The following DHX40 variants were observed in gnomAD, a reference collection of about 807,000 sequenced individuals.
DHX40 encodes the protein probable ATP-dependent RNA helicase DHX40.
A neutral mutation model predicts 89.6 loss-of-function variants in DHX40; 28 were observed. The observed-to-expected ratio is 0.31, with a 90% confidence interval of 0.23 to 0.43. The LOEUF (loss-of-function observed/expected upper bound fraction) is 0.43, where lower values mean the gene tolerates loss of function less well. Ranked by LOEUF, DHX40 falls within the 20% of genes least tolerant of loss-of-function variation. The pLI is 1.00. For synonymous variants in DHX40, 226 were observed against 283.6 expected, an observed-to-expected ratio of 0.80 and a Z score of 2.04; for missense variants, 457 against 844.0, an observed-to-expected ratio of 0.54 and a Z score of 5.68.
intron 14 of DHX40, among the ~76,000 whole-genome samples, chr17:59,600,689 TTAAAA>T (rs545729303): frequency 3.6e-4 from 55 of 151,496 alleles, no homozygotes; most frequent in Admixed American, 3.0e-3. Context: ...TACAAAAAAA[TTAAAA>T]TAATTAGCTT....
At chr17:59,606,547 C>T (rs1194180986) in intron 17 of DHX40, among the ~76,000 whole-genome samples, 1 of 152,082 alleles carries the variant, frequency 6.6e-6, no homozygotes, top group Non-Finnish European at 1.5e-5. Flanking sequence ...GAGATCGAGA[C>T]CATCCTGGCT....
intron 7 of DHX40, 183 bp from the exon 8 acceptor site, chr17:59,577,083 A>G: frequency 4.7e-6 from 3 of 634,142 alleles, no homozygotes; most frequent in Non-Finnish European, 8.7e-6. Context: ...GTTAGCCAGG[A>G]TGGTCTCGAT....
chr17:59,601,101 T>C (rs1442597380), intron 14 of DHX40, among the ~76,000 whole-genome samples: 1 of 151,224 alleles, frequency 6.6e-6, no homozygotes, highest in Non-Finnish European at 1.5e-5. Flanking sequence ...CCCAGCAAGT[T>C]TGAGACCAGC....
At chr17:59,588,631 C>T (rs959736648) in intron 12 of DHX40, among the ~76,000 whole-genome samples, 1 of 151,506 alleles carries the variant, frequency 6.6e-6, no homozygotes, top group Non-Finnish European at 1.5e-5. Context: ...CACGCCCAGC[C>T]GGGTTGTTTT....
Position 59,573,252 on chromosome 17 carries a change from A to T in DHX40, c.546+17A>T. On this transcript the variant is annotated intron_variant, in intron 4 of 17. Coordinates refer to ENST00000251241, the MANE Select transcript of DHX40 (RefSeq NM_024612.5). ...CTAACTACAGTGAGTATTTTAATTTATTATTATTTTTTTATTAGCAAGTAG... is the reference window on the plus strand; with the variant it reads ...CTAACTACAGTGAGTATTTTAATTTTTTATTATTTTTTTATTAGCAAGTAG... The T allele has an allele frequency of 1.3e-6, 2 of 1,577,640 alleles. No individual in the cohort carries two copies. The highest frequency in any genetic ancestry group is 1.7e-6 in the Non-Finnish European group (2 of 1,166,952).
intron 7 of DHX40, among the ~76,000 whole-genome samples, chr17:59,576,064 A>ATTT (rs763211799): frequency 3.0e-4 from 34 of 111,726 alleles, no homozygotes; most frequent in African/African-American, 8.8e-4. Context: ...TAAGTTTTGT[A>ATTT]TTTTTTTTTT....
At chr17:59,588,240 A>AC (rs2143291845) in intron 12 of DHX40, among the ~76,000 whole-genome samples, 187 bp downstream of exon 12, 1 of 148,462 alleles carries the variant, frequency 6.7e-6, no homozygotes, top group African/African-American at 2.6e-5. Context: ...AAAAAAAAAA[A>AC]ACCAAAAACA....
intron 4 of DHX40, among the ~76,000 whole-genome samples, chr17:59,573,442 A>G (rs1245043951): frequency 6.6e-6 from 1 of 152,132 alleles, no homozygotes; most frequent in Non-Finnish European, 1.5e-5. Context: ...TGATCCTCCC[A>G]TCTCAACCTC....
chr17:59,565,929 T>G (rs2048698329), intron 1 of DHX40, 146 bp downstream of exon 1: 1 of 613,384 alleles, frequency 1.6e-6, no homozygotes, highest in Non-Finnish European at 2.5e-6. Context: ...GAGGCGAACT[T>G]TGCGTCCAAT....
In DHX40 at chr17:59,607,674, T is replaced by A. The variant is rs1567907951; in HGVS notation, c.*502T>A. ...GTTTCTACTCAGCAATACTTAGATG[T>A]CTAACTGTTTAATTGCTACAGAGCT... On this transcript the variant is annotated 3_prime_UTR_variant, in exon 18 of 18. Transcript: ENST00000251241. 1 of 171,524 alleles carries A rather than the reference T, an allele frequency of 5.8e-6. No homozygotes were observed. The highest frequency in any genetic ancestry group is 1.2e-5 in the Non-Finnish European group (1 of 80,414). The allele number at this position is 171,524 out of a possible 1,614,324, so 10.6% of individuals were successfully genotyped here. A position where few individuals can be genotyped will look rare whatever the true frequency, so the allele number is the denominator to read the frequency against.
chr17:59,580,982 T>C (rs983291821), intron 10 of DHX40, among the ~76,000 whole-genome samples: 2 of 150,118 alleles, frequency 1.3e-5, no homozygotes, highest in African/African-American at 2.5e-5. Context: ...CTCCGGAGGC[T>C]GAAGCACGAG....
chr17:59,596,593 T>C (rs993384521), intron 12 of DHX40, among the ~76,000 whole-genome samples: 1 of 152,108 alleles, frequency 6.6e-6, no homozygotes. Flanking sequence ...ACAAAATTAG[T>C]CTCCCGGAGC....
rs926247361 is a variant in DHX40 at position 59,565,647 on chromosome 17, C to T, written c.-25C>T. ...CCATCTCCTCAGATCGGTGGACGTGCTCGCCTCCACTCGGGGCCAGGTCTA... is the reference window on the plus strand; with the variant it reads ...CCATCTCCTCAGATCGGTGGACGTGTTCGCCTCCACTCGGGGCCAGGTCTA... On this transcript the variant is annotated 5_prime_UTR_variant, in exon 1 of 18. Coordinates refer to ENST00000251241, the MANE Select transcript of DHX40 (RefSeq NM_024612.5). The T allele has an allele frequency of 3.8e-6, 6 of 1,587,190 alleles. No individual in the cohort carries two copies. In the South Asian group the frequency reaches 4.4e-5, roughly 12 times the overall value.
At chr17:59,598,114 G>T (rs1330176711) in intron 12 of DHX40, among the ~76,000 whole-genome samples, 2 of 151,908 alleles carry the variant, frequency 1.3e-5, no homozygotes, top group Non-Finnish European at 2.9e-5. Context: ...TGATCCACTT[G>T]CCTTGGCCTT....
chr17:59,605,949 A>T, intron 17 of DHX40: 1 of 456,226 alleles, frequency 2.2e-6, no homozygotes, highest in Non-Finnish European at 4.0e-6. Flanking sequence ...TGGGGGTGAC[A>T]GAGTGAGACA....
intron 2 of DHX40, among the ~76,000 whole-genome samples, chr17:59,570,145 A>C (rs1277891623): frequency 7.9e-6 from 1 of 127,328 alleles, no homozygotes; most frequent in Middle Eastern, 3.4e-3. Context: ...ATATATTATA[A>C]ATTATATAAT....
Position 59,573,196 on chromosome 17 carries a change from CATT to C in DHX40, c.511_513del (p.Ile171del), listed in dbSNP as rs2048834805. 6.2e-7 allele frequency: 1 copy of C among 1,613,074 alleles called. No individual in the cohort carries two copies. ...ACCCAAATCTTACCAAATTCAGTGT[CATT>C]ATTTTGGATGAAGCCCATGAAAGAA... On this transcript the variant is annotated inframe_deletion, in exon 4 of 18. Coordinates refer to ENST00000251241, the MANE Select transcript of DHX40 (RefSeq NM_024612.5).
chr17:59,569,834 T>C (rs1186353753), intron 2 of DHX40, among the ~76,000 whole-genome samples: 1 of 145,654 alleles, frequency 6.9e-6, no homozygotes, highest in Non-Finnish European at 1.5e-5. Context: ...TCACCTGAGG[T>C]TGGGAGTACA....
At chr17:59,595,506 A>G (rs2029980406) in intron 12 of DHX40, among the ~76,000 whole-genome samples, 1 of 148,122 alleles carries the variant, frequency 6.8e-6, no homozygotes. Flanking sequence ...ATGAAAACAT[A>G]AACTATGTGT....
Sources: allele counts gnomAD v4.1 joint callset (sites outside exome capture counted in the v4.1 genomes callset), GRCh38; gene constraint gnomAD v4.1.1; transcripts MANE v1.5; gene names NCBI Gene and HGNC (gene_info 2026-07-23, HGNC 2026-07-21).